The following IMMT variants were observed in gnomAD, a reference collection of about 807,000 sequenced individuals.
The protein encoded by IMMT is inner membrane mitochondrial protein.
In IMMT, 40 loss-of-function variants were observed where a neutral mutation model predicts 92.7. That is an observed-to-expected ratio of 0.43 (90% CI 0.34 to 0.56). The LOEUF (loss-of-function observed/expected upper bound fraction) is 0.56, where lower values mean the gene tolerates loss of function less well. Among genes scored for constraint, IMMT ranks in the 20% least tolerant of loss-of-function variants. The pLI is 0.03. For missense variants in IMMT, 831 were observed against 912.1 expected (o/e 0.91, Z 1.14); for synonymous variants, 322 against 336.1 (o/e 0.96, Z 0.46).
intron 10 of IMMT, among the ~76,000 whole-genome samples, chr2:86,158,151 T>C (rs2104850972): frequency 6.6e-6 from 1 of 152,284 alleles, no homozygotes; most frequent in East Asian, 1.9e-4. Context: ...CTAGGTAAAT[T>C]CTCAACAAAG....
At chr2:86,185,245 A>G (rs1573944378) in intron 1 of IMMT, among the ~76,000 whole-genome samples, 1 of 152,154 alleles carries the variant, frequency 6.6e-6, no homozygotes, top group African/African-American at 2.4e-5. Flanking sequence ...GCTGAGTATG[A>G]TAAGGACAGA....
At position 86,144,330 on chromosome 2, in the gene IMMT, C is replaced by T; in HGVS notation, c.2215G>A (p.Glu739Lys). 4.3e-6 allele frequency: 7 copies of T among 1,613,978 alleles called. No individual in the cohort carries two copies. Among genetic ancestry groups the T allele is most frequent in the Non-Finnish European group, 5.9e-6 (7 of 1,179,892 alleles). Residue 739 changes from glutamate to lysine, a missense_variant, in exon 15 of 15, where the codon GAA becomes AAA. Transcript: ENST00000410111. Reference protein sequence around the residue: ...RMTLETKQIVEILTAYASAVG... With the variant: ...RMTLETKQIVKILTAYASAVG... ...GCGCTGGCATATGCTGTCAGGATTT[C>T]CACTATCTGTTTCGTTTCTAGGGTC...
intron 10 of IMMT, among the ~76,000 whole-genome samples, chr2:86,156,140 T>C (rs987970741): frequency 6.6e-6 from 1 of 152,138 alleles, no homozygotes; most frequent in Non-Finnish European, 1.5e-5. Context: ...GGCTATTCTG[T>C]GTACTGCATG....
At position 86,151,293 on chromosome 2, in the gene IMMT, T is replaced by C. The variant is rs764618262; in HGVS notation, c.1401+4A>G. On this transcript the variant is annotated splice_donor_region_variant and intron_variant, in intron 12 of 14. Transcript: ENST00000410111. Reference sequence around the variant, plus strand: ...TGTTAGGCAACAATTCTCATTTCTCTTACCTTTCTGTCCTGTTCAGCCTGT... The same window carrying C: ...TGTTAGGCAACAATTCTCATTTCTCCTACCTTTCTGTCCTGTTCAGCCTGT... The C allele has an allele frequency of 1.2e-6, 2 of 1,604,360 alleles. No individual in the cohort carries two copies. Among genetic ancestry groups the C allele is most frequent in the Admixed American group, 3.3e-5 (2 of 60,012 alleles).
Position 86,175,725 on chromosome 2 carries a change from T to TAAA in IMMT, c.310-1967_310-1965dup, listed in dbSNP as rs10683026. 6.7e-3 allele frequency among the ~76,000 whole-genome samples: 983 copies of TAAA among 145,846 alleles called. 10 individuals are homozygous for TAAA. Among genetic ancestry groups the TAAA allele is most frequent in the African/African-American group, 0.019 (756 of 39,762 alleles). ...CAGTAGAGAGTGCTTGAGTAAATGGTAAAAAAAAAAAAAATAGAAACACTA... is the reference window on the plus strand; with the variant it reads ...CAGTAGAGAGTGCTTGAGTAAATGGTAAAAAAAAAAAAAAAAATAGAAACACTA... On this transcript the variant is annotated intron_variant, in intron 3 of 14. Coordinates refer to ENST00000410111, the MANE Select transcript of IMMT (RefSeq NM_006839.3).
intron 10 of IMMT, among the ~76,000 whole-genome samples, chr2:86,154,431 A>G (rs1214827876): frequency 6.6e-6 from 1 of 152,152 alleles, no homozygotes; most frequent in Non-Finnish European, 1.5e-5. Context: ...TCGGCCTCCC[A>G]AAGTGCTGGG....
At chr2:86,179,265 G>A (rs1677667682) in intron 3 of IMMT, among the ~76,000 whole-genome samples, 168 bp downstream of exon 3, 1 of 152,172 alleles carries the variant, frequency 6.6e-6, no homozygotes, top group African/African-American at 2.4e-5. Context: ...TGCAAACACT[G>A]TAACATTTTA....
chr2:86,163,640 C>T (rs1363878200), intron 7 of IMMT, among the ~76,000 whole-genome samples: 1 of 152,140 alleles, frequency 6.6e-6, no homozygotes, highest in African/African-American at 2.4e-5. Context: ...AGAGTCCATA[C>T]ATTTAGAAGA....
intron 1 of IMMT, among the ~76,000 whole-genome samples, chr2:86,187,370 A>T (rs187370622): frequency 1.3e-5 from 2 of 152,324 alleles, no homozygotes; most frequent in East Asian, 3.9e-4. Flanking sequence ...TCACATTGTA[A>T]CATGTATCAC....
In IMMT at chr2:86,144,042, G is replaced by GA. The variant is rs756986840; in HGVS notation, c.*225dup. The GA allele has an allele frequency of 1.5e-5, 9 of 593,560 alleles. No homozygotes were observed. Among genetic ancestry groups the GA allele is most frequent in the Middle Eastern group, 4.5e-4 (1 of 2,230 alleles). The allele number at this position is 593,560 out of a possible 1,614,324, so 36.8% of individuals were successfully genotyped here. ...CTCACAAGCCTCATCAGTAAAACCT[G>GA]AAAAAACAGAAAATGTTACACAAGT... On this transcript the variant is annotated 3_prime_UTR_variant, in exon 15 of 15. Coordinates refer to ENST00000410111, the MANE Select transcript of IMMT (RefSeq NM_006839.3).
At chr2:86,188,820 T>C (rs1374378433) in intron 1 of IMMT, among the ~76,000 whole-genome samples, 6 of 152,178 alleles carry the variant, frequency 3.9e-5, no homozygotes, top group Non-Finnish European at 5.9e-5. Flanking sequence ...TATGAGGGTC[T>C]AGTATCCAAA....
rs756483046 is a variant in IMMT, at chr2:86,159,669, T to C, written c.899A>G (p.Glu300Gly). The C allele has an allele frequency of 6.4e-7, 1 of 1,551,370 alleles. No individual in the cohort carries two copies. Among genetic ancestry groups the C allele is most frequent in the Admixed American group, 2.2e-5 (1 of 45,264 alleles). Residue 300 changes from glutamate (E) to glycine (G), a missense_variant and splice_region_variant, in exon 9 of 15, where the codon GAA (glutamate) becomes GGA (glycine). Coordinates refer to ENST00000410111, the MANE Select transcript of IMMT (RefSeq NM_006839.3). ...CACACTTTTCATCTTCTCTAACTCT[T>C]CTCTGGAAACCAACAAAACAAAGAT... is the stretch of plus-strand genomic sequence containing the variant. ...EAADALLKAK[E>G]ELEKMKSVIE...
At chr2:86,166,425 TAC>T in intron 7 of IMMT, 81 bp downstream of exon 7, 1 of 1,307,792 alleles carries the variant, frequency 7.6e-7, no homozygotes, top group Non-Finnish European at 1.1e-6. Flanking sequence ...TGTTAAATAT[TAC>T]ACTTCTCTCC....
At chr2:86,185,127 C>A (rs1219765587) in intron 1 of IMMT, among the ~76,000 whole-genome samples, 2 of 151,652 alleles carry the variant, frequency 1.3e-5, no homozygotes, top group Non-Finnish European at 2.9e-5. Context: ...TTGCAGTGAG[C>A]CGAGATTGCG....
chr2:86,181,191 C>T, intron 2 of IMMT, 108 bp downstream of exon 2: 1 of 744,548 alleles, frequency 1.3e-6, no homozygotes, highest in Non-Finnish European at 2.4e-6. Context: ...GTGTATGTAC[C>T]CCTTTTTAAA....
intron 2 of IMMT, 91 bp downstream of exon 2, chr2:86,181,208 T>G: frequency 1.1e-6 from 1 of 926,752 alleles, no homozygotes; most frequent in South Asian, 1.4e-5. Context: ...TAAAAAAAGG[T>G]TTAGACAGCT....
chr2:86,179,551 T>A lies in IMMT; in HGVS notation c.191A>T (p.Tyr64Phe). ...VGGGIGGTIL[Y>F]AKWDSHFRES... is the part of the protein sequence containing the mutation. ...CCGGAAATGGGAATCCCATTTGGCA[T>A]ATAGGATAGTGCCACCAATACCTCC... The change falls in exon 3 of 15, where the codon TAT becomes TTT. Residue 64 changes from tyrosine (Y) to phenylalanine (F), a missense_variant. By Grantham distance (22) the Tyr-to-Phe change is conservative. Transcript: ENST00000410111. 1 of 1,613,168 alleles carries A rather than the reference T, an allele frequency of 6.2e-7. No homozygotes were observed. The highest frequency in any genetic ancestry group is 8.5e-7 in the Non-Finnish European group (1 of 1,179,510).
intron 1 of IMMT, among the ~76,000 whole-genome samples, chr2:86,188,665 T>C (rs1573950658): frequency 1.3e-5 from 2 of 152,130 alleles, no homozygotes; most frequent in East Asian, 3.9e-4. Flanking sequence ...CGCTCAAGCG[T>C]TCTGCCTGCC....
intron 7 of IMMT, among the ~76,000 whole-genome samples, chr2:86,164,390 G>A (rs1207089033): frequency 6.6e-6 from 1 of 151,416 alleles, no homozygotes; most frequent in African/African-American, 2.4e-5. Flanking sequence ...AATACATCAA[G>A]AATGTATACT....
Sources: allele counts gnomAD v4.1 joint callset (sites outside exome capture counted in the v4.1 genomes callset), GRCh38; gene constraint gnomAD v4.1.1; transcripts MANE v1.5; gene names NCBI Gene and HGNC (gene_info 2026-07-23, HGNC 2026-07-21).